ZNF469: variants seen among roughly 807,000 people sequenced by gnomAD.
ZNF469 encodes zinc finger protein 469.
A neutral mutation model predicts 1.0 loss-of-function variants in ZNF469; 1 was observed. The observed-to-expected ratio is 1.00, with a 90% confidence interval of 0.35 to 4.73. ZNF469 has a LOEUF of 4.73. ZNF469 is among the 30% of genes most tolerant of loss of function. The pLI is 0.16. For synonymous variants in ZNF469, 2,703 were observed against 2,363.4 expected (o/e 1.14, Z -4.17); for missense variants, 6,100 against 5,356.3 (o/e 1.14, Z -4.33).
the ZNF469 span, among the ~76,000 whole-genome samples, chr16:88,158,249 G>T: frequency 3.9e-5 from 6 of 151,998 alleles, no homozygotes; most frequent in Admixed American, 3.9e-4. Flanking sequence ...GCGGGAGATG[G>T]GAGGTGGGGG....
chr16:88,422,605 G>C (rs1905510493), intron 1 of ZNF469, among the ~76,000 whole-genome samples: 1 of 145,868 alleles, frequency 6.9e-6, no homozygotes, highest in Non-Finnish European at 1.5e-5. Flanking sequence ...GGGTGGAAGG[G>C]TGGATGAGTG....
rs1262116647 is a variant in ZNF469, at chr16:88,431,191, T to C, written c.3721T>C (p.Phe1241Leu). 3 of 1,550,062 alleles carry C rather than the reference T, an allele frequency of 1.9e-6. No individual in the cohort carries two copies. Among genetic ancestry groups the C allele is most frequent in the South Asian group, 1.2e-5 (1 of 84,058 alleles). Residue 1241 changes from phenylalanine (F) to leucine (L), a missense_variant, in exon 3 of 3, where the codon TTC (phenylalanine) becomes CTC (leucine). Phe to Leu is a conservative substitution (Grantham distance 22). Transcript: ENST00000565624. ...AGAGTCAGCCCCGGACAGCACAGAA[T>C]TCACAGAGGCTTTGCGTTCTCCTCC... ...AEESAPDSTE[F>L]TEALRSPPAA...
chr16:88,374,491 A>G, the ZNF469 span, among the ~76,000 whole-genome samples: 78,348 of 152,102 alleles, frequency 0.52, 23,360 homozygotes, highest in Non-Finnish European at 0.66. Context: ...GGGCCCCGAC[A>G]GGGAAAGGCT....
chr16:88,120,614 C>T, the ZNF469 span, among the ~76,000 whole-genome samples: 1,040 of 152,336 alleles, frequency 6.8e-3, 6 homozygotes, highest in Non-Finnish European at 9.5e-3. Flanking sequence ...GACGGAGCCG[C>T]CCTGTCCACG....
chr16:88,190,648 A>C, the ZNF469 span, among the ~76,000 whole-genome samples: 3 of 152,226 alleles, frequency 2.0e-5, no homozygotes, highest in African/African-American at 7.2e-5. Context: ...AGTGTGTCTT[A>C]GAAGCATCTC....
intron 1 of ZNF469, among the ~76,000 whole-genome samples, chr16:88,410,093 G>T (rs1020144329): frequency 6.6e-6 from 1 of 152,102 alleles, no homozygotes; most frequent in Non-Finnish European, 1.5e-5. Context: ...TAGATCAGAT[G>T]TGGGGGTGGG....
rs3812955 is a variant in ZNF469 at position 88,435,682 on chromosome 16, G to T, written c.8212G>T (p.Ala2738Ser). ...RMLCPGRMDGAALGEQPTGQK... is the reference protein window; with the variant it reads ...RMLCPGRMDGSALGEQPTGQK... The stretch of plus-strand genomic sequence containing the variant: ...GCTGTGTCCAGGGAGGATGGATGGT[G>T]CAGCTCTGGGGGAACAGCCAACTGG... The change falls in exon 3 of 3, where the codon GCA becomes TCA. Residue 2738 changes from alanine to serine, a missense_variant. By Grantham distance (99) the Ala-to-Ser change is moderately conservative. Transcript: ENST00000565624. 9.7e-6 allele frequency: 15 copies of T among 1,550,584 alleles called. No individual in the cohort carries two copies. The highest frequency in any genetic ancestry group is 1.2e-5 in the Non-Finnish European group (14 of 1,147,002).
At chr16:88,377,732 C>T in the ZNF469 span, among the ~76,000 whole-genome samples, 1 of 152,144 alleles carries the variant, frequency 6.6e-6, no homozygotes, top group African/African-American at 2.4e-5. Context: ...AGCCTTCCCC[C>T]TGTCCCAGCT....
the ZNF469 span, among the ~76,000 whole-genome samples, chr16:88,140,681 C>T: frequency 1.3e-5 from 2 of 152,176 alleles, no homozygotes; most frequent in Non-Finnish European, 2.9e-5. Context: ...CCTGTAATCC[C>T]AGCACTTTGG....
chr16:88,439,582 G>T lies in ZNF469; in HGVS notation c.*250G>T. ...GCAGCCCTTTTGAGACCACACAGCTGTTTTCTTGGTACCAAGTACTTGAAG... is the reference window on the plus strand; with the variant it reads ...GCAGCCCTTTTGAGACCACACAGCTTTTTTCTTGGTACCAAGTACTTGAAG... On this transcript the variant is annotated 3_prime_UTR_variant, in exon 3 of 3. Transcript: ENST00000565624. 1.8e-6 allele frequency: 1 copy of T among 548,426 alleles called. No homozygotes were observed. Among genetic ancestry groups the T allele is most frequent in the East Asian group, 3.2e-5 (1 of 31,350 alleles). The allele number at this position is 548,426 out of a possible 1,614,324, so 34.0% of individuals were successfully genotyped here.
intron 1 of ZNF469, among the ~76,000 whole-genome samples, chr16:88,387,714 G>A (rs895556457): frequency 2.6e-5 from 4 of 152,204 alleles, no homozygotes; most frequent in Non-Finnish European, 5.9e-5. Context: ...AGGCCAGGCT[G>A]AGAAGGCTCA....
At position 88,429,831 on chromosome 16, in the gene ZNF469, C is replaced by A; in HGVS notation, c.2361C>A (p.His787Gln). 3 of 1,547,510 alleles carry A rather than the reference C, an allele frequency of 1.9e-6. No individual in the cohort carries two copies. Among genetic ancestry groups the A allele is most frequent in the African/African-American group, 1.4e-5 (1 of 73,124 alleles). ...CCCCCAGAGTCCCTGCCGACGCACA[C>A]GCGGGCTTGCTCAGCCACGCGAAGA... ...PAAPRVPADAHAGLLSHAKTF... is the reference protein window; with the variant it reads ...PAAPRVPADAQAGLLSHAKTF... Residue 787 changes from histidine (H) to glutamine (Q), a missense_variant, in exon 3 of 3, where the codon CAC (histidine) becomes CAA (glutamine). Coordinates refer to ENST00000565624, the MANE Select transcript of ZNF469 (RefSeq NM_001367624.2).
chr16:88,266,858 C>T, the ZNF469 span, among the ~76,000 whole-genome samples: 1 of 152,238 alleles, frequency 6.6e-6, no homozygotes, highest in African/African-American at 2.4e-5. Context: ...TACTTTTCCC[C>T]TGCCTTCCGA....
At chr16:88,247,722 C>T in the ZNF469 span, among the ~76,000 whole-genome samples, 3 of 144,154 alleles carry the variant, frequency 2.1e-5, no homozygotes, top group East Asian at 2.1e-4. Context: ...AGTCAATGAG[C>T]GAGTGAGTGA....
chr16:88,380,305 A>C (rs2092517815), upstream of ZNF469, among the ~76,000 whole-genome samples: 1 of 149,104 alleles, frequency 6.7e-6, no homozygotes, highest in African/African-American at 2.5e-5. Context: ...ACGCACTAAA[A>C]CACAGACATG....
Position 88,429,543 on chromosome 16 carries a change from C to T in ZNF469, c.2073C>T (p.Pro691=). 1.3e-6 allele frequency: 2 copies of T among 1,550,176 alleles called. No individual in the cohort carries two copies. The highest frequency in any genetic ancestry group is 1.7e-6 in the Non-Finnish European group (2 of 1,146,870). The part of the protein sequence containing the change: ...AFQCLEETPF[P]HEGPEVGRGG... The stretch of plus-strand genomic sequence containing the variant: ...AGTGCCTGGAGGAGACCCCATTCCC[C>T]CACGAGGGCCCCGAGGTGGGTCGGG... The change falls in exon 3 of 3, where the codon CCC becomes CCT. Residue 691 remains proline (P), a synonymous_variant. Transcript: ENST00000565624.
the ZNF469 span, among the ~76,000 whole-genome samples, chr16:88,335,362 G>A: frequency 6.6e-6 from 1 of 152,210 alleles, no homozygotes; most frequent in Non-Finnish European, 1.5e-5. Context: ...CACATGGTGT[G>A]GATGAGGGCC....
the ZNF469 span, among the ~76,000 whole-genome samples, chr16:88,267,365 G>A: frequency 7.5e-3 from 1,137 of 152,290 alleles, 7 homozygotes; most frequent in African/African-American, 0.023. Context: ...GGTGCCAGTC[G>A]CGAAAGCCCA....
chr16:88,398,893 C>T (rs2173712), intron 1 of ZNF469, among the ~76,000 whole-genome samples: 102,139 of 152,146 alleles, frequency 0.67, 34,879 homozygotes, highest in African/African-American at 0.79. Flanking sequence ...GACAGTCACT[C>T]GTCTGCACTC....
Sources: allele counts gnomAD v4.1 joint callset (sites outside exome capture counted in the v4.1 genomes callset), GRCh38; gene constraint gnomAD v4.1.1; transcripts MANE v1.5; gene names NCBI Gene and HGNC (gene_info 2026-07-23, HGNC 2026-07-21).